Variants in RARB observed in about 807,000 individuals in gnomAD.
The protein encoded by RARB is HBV-activated protein.
A neutral mutation model predicts 51.9 loss-of-function variants in RARB; 17 were observed. That is an observed-to-expected ratio of 0.33 (90% CI 0.22 to 0.49). RARB has a LOEUF of 0.49. RARB is among the 20% of genes least tolerant of loss of function. RARB has a pLI of 0.99. For synonymous variants in RARB, 215 were observed against 195.4 expected, an observed-to-expected ratio of 1.10 and a Z score of -0.84; for missense variants, 369 against 550.8, an observed-to-expected ratio of 0.67 and a Z score of 3.30.
At chr3:25,300,933 G>A (rs1228021005) in intron 5 of RARB, among the ~76,000 whole-genome samples, 5 of 152,164 alleles carry the variant, frequency 3.3e-5, no homozygotes, top group Admixed American at 3.3e-4. Flanking sequence ...GGAAGCAGAG[G>A]TTGCAGTGAG....
intron 2 of RARB, among the ~76,000 whole-genome samples, chr3:25,034,546 A>G (rs1697942320): frequency 6.6e-6 from 1 of 152,260 alleles, no homozygotes; most frequent in Non-Finnish European, 1.5e-5. Flanking sequence ...TTACAAAAGT[A>G]GATGTGCAAA....
chr3:25,210,796 A>G (rs1022104438), intron 5 of RARB, among the ~76,000 whole-genome samples: 4 of 151,768 alleles, frequency 2.6e-5, no homozygotes, highest in African/African-American at 9.7e-5. Context: ...CAGCTTCCCA[A>G]AGTGCTGGGA....
chr3:25,207,335 A>G lies in RARB; in HGVS notation c.178+32760A>G, dbSNP rs145802452. Among the ~76,000 whole-genome samples, 409 of 152,308 alleles carry G rather than the reference A, an allele frequency of 2.7e-3. 2 individuals are homozygous for G. The highest frequency in any genetic ancestry group is 9.4e-3 in the African/African-American group (391 of 41,584). ...TATCTTCTTATTCACTTAACGTTCA[A>G]TGACATTATCTTAACAATGAGAAAT... On this transcript the variant is annotated intron_variant, in intron 5 of 11. Transcript: ENST00000383772.
At chr3:25,176,370 CTTCCTTCCTTCCTTCCTTAT>C (rs1392129499) in intron 5 of RARB, among the ~76,000 whole-genome samples, 4 of 64,780 alleles carry the variant, frequency 6.2e-5, no homozygotes, top group African/African-American at 1.0e-4. Flanking sequence ...TCCTTCCTTC[CTTCCTTCCTTCCTTCCTTAT>C]TTATTTATTT....
At chr3:25,010,726 G>T (rs1697377513) in intron 2 of RARB, among the ~76,000 whole-genome samples, 1 of 152,048 alleles carries the variant, frequency 6.6e-6, no homozygotes, top group South Asian at 2.1e-4. Flanking sequence ...TTTGTGATTT[G>T]CTCAGAGTCA....
At chr3:24,840,764 A>G (rs976801059) in intron 1 of RARB, among the ~76,000 whole-genome samples, 1 of 151,694 alleles carries the variant, frequency 6.6e-6, no homozygotes, top group African/African-American at 2.4e-5. Context: ...AAAAAAAAAA[A>G]AAATGCAAAG....
At chr3:25,205,060 T>C (rs1701502415) in intron 5 of RARB, among the ~76,000 whole-genome samples, 2 of 152,126 alleles carry the variant, frequency 1.3e-5, no homozygotes, top group South Asian at 4.1e-4. Context: ...CCTTGAGCTG[T>C]GGTGGGCTCT....
chr3:25,568,790 T>C (rs1414762515), intron 3 of RARB, among the ~76,000 whole-genome samples: 1 of 152,224 alleles, frequency 6.6e-6, no homozygotes, highest in Non-Finnish European at 1.5e-5. Context: ...TGGCACCCGC[T>C]GGGCCCCAGA....
intron 5 of RARB, among the ~76,000 whole-genome samples, chr3:25,230,865 A>G (rs930381072): frequency 7.2e-5 from 11 of 152,150 alleles, no homozygotes; most frequent in African/African-American, 2.7e-4. Flanking sequence ...TTGAGAAACT[A>G]TTTTGTTCCA....
At chr3:25,355,037 C>G (rs1705691309) in intron 5 of RARB, among the ~76,000 whole-genome samples, 1 of 152,094 alleles carries the variant, frequency 6.6e-6, no homozygotes. Context: ...TAGCACCTTG[C>G]TGGGTCTACA....
chr3:25,187,142 A>G (rs1048547577), intron 5 of RARB, among the ~76,000 whole-genome samples: 1 of 152,010 alleles, frequency 6.6e-6, no homozygotes, highest in Admixed American at 6.6e-5. Flanking sequence ...TGAGGGTCTT[A>G]TGACCTGCAG....
At chr3:25,524,616 T>TCCTC (rs1698556395) in intron 3 of RARB, among the ~76,000 whole-genome samples, 1 of 140,222 alleles carries the variant, frequency 7.1e-6, no homozygotes, top group African/African-American at 2.6e-5. Context: ...CCCCCTCCCT[T>TCCTC]CCTCCCTCCC....
At chr3:25,553,676 T>G (rs1239115111) in intron 3 of RARB, among the ~76,000 whole-genome samples, 1 of 152,174 alleles carries the variant, frequency 6.6e-6, no homozygotes, top group Non-Finnish European at 1.5e-5. Context: ...TTGGCGTGCA[T>G]CTGTTGAACA....
intron 4 of RARB, among the ~76,000 whole-genome samples, chr3:25,169,721 C>T (rs888808134): frequency 6.6e-6 from 1 of 152,100 alleles, no homozygotes; most frequent in Non-Finnish European, 1.5e-5. Context: ...GGCACAGTGA[C>T]TCATGCCTGT....
chr3:25,487,003 C>A (rs1696506987), intron 2 of RARB, among the ~76,000 whole-genome samples: 1 of 152,124 alleles, frequency 6.6e-6, no homozygotes, highest in Non-Finnish European at 1.5e-5. Flanking sequence ...TTACAACACA[C>A]CTGAGACTTG....
At chr3:24,996,543 G>A (rs1419012303) in intron 2 of RARB, among the ~76,000 whole-genome samples, 3 of 151,058 alleles carry the variant, frequency 2.0e-5, no homozygotes, top group African/African-American at 4.9e-5. Flanking sequence ...TGCATCATTC[G>A]GTTGTTTATT....
intron 2 of RARB, among the ~76,000 whole-genome samples, chr3:25,478,978 G>A (rs773910177): frequency 1.3e-5 from 2 of 150,246 alleles, no homozygotes; most frequent in Non-Finnish European, 3.0e-5. Flanking sequence ...GCATGGTCAG[G>A]GTGGTGAACT....
intron 4 of RARB, among the ~76,000 whole-genome samples, chr3:25,170,900 A>C (rs573030520): frequency 6.6e-6 from 1 of 152,328 alleles, no homozygotes; most frequent in Non-Finnish European, 1.5e-5. Context: ...CTAAATGTGC[A>C]TGTGTGATTC....
At chr3:24,958,266 T>TTG (rs1559411526) in intron 2 of RARB, among the ~76,000 whole-genome samples, 4 of 120,816 alleles carry the variant, frequency 3.3e-5, no homozygotes, top group Middle Eastern at 3.4e-3. Flanking sequence ...TTTTTTTTTT[T>TTG]TTTTTTTTTT....
Sources: allele counts gnomAD v4.1 joint callset (sites outside exome capture counted in the v4.1 genomes callset), GRCh38; gene constraint gnomAD v4.1.1; transcripts MANE v1.5; gene names NCBI Gene and HGNC (gene_info 2026-07-23, HGNC 2026-07-21).